EXTL3: variants seen among roughly 807,000 people sequenced by gnomAD.
EXTL3 encodes exostosin-like 3.
Under a neutral mutation model 69.3 loss-of-function variants are expected in EXTL3, and 27 were observed. The ratio of observed to expected loss-of-function variants is 0.39; its 90% CI spans 0.29 to 0.54. The LOEUF (loss-of-function observed/expected upper bound fraction) is 0.54, where lower values mean the gene tolerates loss of function less well. EXTL3 is among the 20% of genes least tolerant of loss of function. EXTL3 has a pLI of 0.69. For synonymous variants in EXTL3, 511 were observed against 499.4 expected (o/e 1.02, Z -0.31); for missense variants, 1,003 against 1,231.8 (o/e 0.81, Z 2.78).
At chr8:28,707,646 T>C (rs1800951405) in intron 1 of EXTL3, among the ~76,000 whole-genome samples, 1 of 152,038 alleles carries the variant, frequency 6.6e-6, no homozygotes, top group South Asian at 2.1e-4. Flanking sequence ...GGTTGTGTGC[T>C]CTGCATTAAA....
At chr8:28,729,802 C>T (rs954364821) in intron 3 of EXTL3, among the ~76,000 whole-genome samples, 4 of 150,158 alleles carry the variant, frequency 2.7e-5, no homozygotes, top group South Asian at 2.1e-4. Context: ...GAGTTCGAGA[C>T]GCCTGGGGGG....
At chr8:28,736,210 A>G (rs1801649550) in intron 4 of EXTL3, among the ~76,000 whole-genome samples, 1 of 152,204 alleles carries the variant, frequency 6.6e-6, no homozygotes, top group Non-Finnish European at 1.5e-5. Flanking sequence ...CCCACCTAGA[A>G]GGCTGTTACA....
At chr8:28,619,392 G>A (rs1043366260), upstream of EXTL3, among the ~76,000 whole-genome samples, 1 of 147,008 alleles carries the variant, frequency 6.8e-6, no homozygotes, top group South Asian at 2.1e-4. Context: ...AGCGAAAGAA[G>A]GGTGTTTTCC....
upstream of EXTL3, among the ~76,000 whole-genome samples, chr8:28,622,157 C>T (rs143992733): frequency 2.9e-3 from 442 of 152,294 alleles, no homozygotes; most frequent in Admixed American, 5.2e-3. Flanking sequence ...GACGTCATTT[C>T]GTTTGATCCT....
Position 28,718,013 on chromosome 8 carries a change from G to T in EXTL3, c.1954G>T (p.Ala652Ser), listed in dbSNP as rs1278924019. 2 of 1,613,952 alleles carry T rather than the reference G, an allele frequency of 1.2e-6. No individual in the cohort carries two copies. Among genetic ancestry groups the T allele is most frequent in the Non-Finnish European group, 1.7e-6 (2 of 1,180,024 alleles). The part of the protein sequence containing the change: ...GAGGSGKEFQ[A>S]ALGGNVPREQ... ...TGGGGGTTCTGGCAAGGAATTTCAG[G>T]CAGCGCTTGGAGGCAATGTTCCCCG... The change falls in exon 3 of 7, where the codon GCA becomes TCA. Residue 652 changes from alanine to serine, a missense_variant. Transcript: ENST00000220562.
At chr8:28,712,173 C>CAGAA (rs1801043316) in intron 1 of EXTL3, among the ~76,000 whole-genome samples, 1 of 152,124 alleles carries the variant, frequency 6.6e-6, no homozygotes, top group South Asian at 2.1e-4. Context: ...GTCTGCCAGG[C>CAGAA]AGAAGCCTGG....
intron 1 of EXTL3, among the ~76,000 whole-genome samples, chr8:28,703,602 T>C (rs545448677): frequency 6.6e-6 from 1 of 152,216 alleles, no homozygotes; most frequent in Admixed American, 6.5e-5. Flanking sequence ...CTTGTCTCAG[T>C]TGAGACTGGT....
chr8:28,685,272 T>G (rs1438592042), intron 1 of EXTL3, among the ~76,000 whole-genome samples: 3 of 152,098 alleles, frequency 2.0e-5, no homozygotes, highest in African/African-American at 7.2e-5. Context: ...TTATAGCAGT[T>G]TTTTTTAATG....
At chr8:28,726,249 C>G (rs551268327) in intron 3 of EXTL3, among the ~76,000 whole-genome samples, 2 of 152,156 alleles carry the variant, frequency 1.3e-5, no homozygotes, top group Non-Finnish European at 2.9e-5. Flanking sequence ...CCACTGCGCC[C>G]GGCCTGCATT....
At chr8:28,646,565 A>G (rs1387954113) in intron 1 of EXTL3, among the ~76,000 whole-genome samples, 2 of 152,230 alleles carry the variant, frequency 1.3e-5, no homozygotes, top group African/African-American at 2.4e-5. Flanking sequence ...GGAATGAGAA[A>G]TGGTCCATCT....
In EXTL3 at chr8:28,717,661, T is replaced by G. The variant is rs771711597; in HGVS notation, c.1602T>G (p.Ile534Met). ...TTTTTAATACCGTGCTGGCTATGAT[T>G]AGGACTCGCATCCAGATCCCAGCCG... ...DSIFNTVLAM[I>M]RTRIQIPAAP... is the part of the protein sequence containing the mutation. Residue 534 changes from isoleucine to methionine, a missense_variant, in exon 3 of 7, where the codon ATT becomes ATG. By Grantham distance (10) the Ile-to-Met change is conservative. This residue lies in a region of EXTL3 where 742 missense variants were observed against 815.4 expected (regional missense o/e 0.91). Coordinates refer to ENST00000220562, the MANE Select transcript of EXTL3 (RefSeq NM_001440.4). This position sits in a 1 kb window ranked among gnomAD's most constrained non-coding sequence, Gnocchi z 8.3. 1 of 1,614,170 alleles carries G rather than the reference T, an allele frequency of 6.2e-7. No homozygotes were observed. Among genetic ancestry groups the G allele is most frequent in the Non-Finnish European group, 8.5e-7 (1 of 1,180,028 alleles).
At chr8:28,702,690 CACA>C (rs149252485) in intron 1 of EXTL3, among the ~76,000 whole-genome samples, 1,882 of 152,008 alleles carry the variant, frequency 0.012, 41 homozygotes, top group African/African-American at 0.042. Context: ...CGCAGAACAC[CACA>C]ACATGTCCAT....
intron 1 of EXTL3, among the ~76,000 whole-genome samples, chr8:28,686,432 T>C (rs1563204432): frequency 6.6e-6 from 1 of 152,072 alleles, no homozygotes; most frequent in Non-Finnish European, 1.5e-5. Flanking sequence ...TTCTTGCCAA[T>C]TGGACAGAAC....
chr8:28,646,454 T>C (rs1383812190), intron 1 of EXTL3, among the ~76,000 whole-genome samples: 1 of 152,232 alleles, frequency 6.6e-6, no homozygotes, highest in African/African-American at 2.4e-5. Flanking sequence ...GCATATTTAC[T>C]TTTCTGCTTT....
chr8:28,678,765 TG>T (rs1231450044), intron 1 of EXTL3, among the ~76,000 whole-genome samples: 1 of 152,212 alleles, frequency 6.6e-6, no homozygotes, highest in African/African-American at 2.4e-5. Context: ...CCTAGCTTCT[TG>T]ATCAAAACAA....
chr8:28,645,085 G>A (rs919706898), intron 1 of EXTL3, among the ~76,000 whole-genome samples: 4 of 152,096 alleles, frequency 2.6e-5, no homozygotes, highest in Admixed American at 6.6e-5. Context: ...TCTGAAAAGG[G>A]GAGTGAGAAA....
rs2130814146 is a variant in EXTL3, at chr8:28,754,900, C to G, written c.*4034C>G. The G allele has an allele frequency of 6.6e-6, 1 of 152,134 alleles. No homozygotes were observed. Among genetic ancestry groups the G allele is most frequent in the African/African-American group, 2.4e-5 (1 of 41,486 alleles). 9.4% of individuals were successfully genotyped at this position (152,134 alleles called of 1,614,324 possible). ...CAACATAGCAAGACCCCCATCTCTA[C>G]AAAAAAATTAGAATGTTATGAAGAT... On this transcript the variant is annotated 3_prime_UTR_variant, in exon 7 of 7. Coordinates refer to ENST00000220562, the MANE Select transcript of EXTL3 (RefSeq NM_001440.4).
intron 1 of EXTL3, among the ~76,000 whole-genome samples, chr8:28,694,684 T>C (rs1052445759): frequency 6.6e-6 from 1 of 152,176 alleles, no homozygotes; most frequent in African/African-American, 2.4e-5. Flanking sequence ...GCACATGGGA[T>C]GACACATGCA....
At chr8:28,625,054 A>G (rs1452020570) in intron 1 of EXTL3, among the ~76,000 whole-genome samples, 2 of 152,214 alleles carry the variant, frequency 1.3e-5, no homozygotes, top group East Asian at 3.8e-4. Flanking sequence ...TTTTGCTTCT[A>G]AAGGAGGTAA....
Sources: gnomAD v4.1 joint callset for allele counts (sites outside exome capture counted in the v4.1 genomes callset) on GRCh38, gnomAD v4.1.1 for gene constraint, gnomAD v4.1.1 regional missense constraint, Gnocchi (gnomAD v3.1) non-coding constraint, MANE v1.5 for transcripts, NCBI Gene and HGNC (gene_info 2026-07-23, HGNC 2026-07-21) for gene names.